Variants in NLGN1 observed in about 807,000 individuals in gnomAD.
NLGN1 encodes the protein neuroligin-1.
In NLGN1, 12 loss-of-function variants were observed where a neutral mutation model predicts 65.5. The ratio of observed to expected loss-of-function variants is 0.18; its 90% CI spans 0.12 to 0.30. The LOEUF is 0.30. Among genes scored for constraint, NLGN1 ranks in the 10% least tolerant of loss-of-function variants. NLGN1 has a pLI of 1.00. For synonymous variants in NLGN1, 350 were observed against 359.5 expected, an observed-to-expected ratio of 0.97 and a Z score of 0.30; for missense variants, 750 against 1,007.1, an observed-to-expected ratio of 0.74 and a Z score of 3.46.
At chr3:173,741,932 T>C (rs1774711756) in intron 3 of NLGN1, among the ~76,000 whole-genome samples, 1 of 152,156 alleles carries the variant, frequency 6.6e-6, no homozygotes, top group Non-Finnish European at 1.5e-5. Flanking sequence ...CCCCGTAATG[T>C]ACGCTCCTTT....
At chr3:173,953,609 C>T (rs138193723) in intron 4 of NLGN1, among the ~76,000 whole-genome samples, 2 of 152,126 alleles carry the variant, frequency 1.3e-5, no homozygotes, top group Admixed American at 6.5e-5. Flanking sequence ...GGCTAGAGTG[C>T]AGTGGCACTA....
intron 4 of NLGN1, among the ~76,000 whole-genome samples, chr3:174,235,050 G>A (rs1027294275): frequency 6.0e-5 from 7 of 116,226 alleles, no homozygotes; most frequent in African/African-American, 2.6e-4. Context: ...GTGACAGCCA[G>A]TTTTTTTTAG....
chr3:173,517,784 ATCTATC>A (rs1734068791), intron 2 of NLGN1, among the ~76,000 whole-genome samples: 1 of 151,794 alleles, frequency 6.6e-6, no homozygotes, highest in Non-Finnish European at 1.5e-5. Context: ...CTATCTATCT[ATCTATC>A]TATCTATCTA....
intron 2 of NLGN1, among the ~76,000 whole-genome samples, chr3:173,473,397 G>C (rs1206197766): frequency 6.6e-6 from 1 of 152,174 alleles, no homozygotes; most frequent in Non-Finnish European, 1.5e-5. Flanking sequence ...TAAAAGTAGA[G>C]ATTAATCCCC....
intron 3 of NLGN1, among the ~76,000 whole-genome samples, chr3:173,696,352 T>C (rs972007549): frequency 1.3e-5 from 2 of 152,170 alleles, no homozygotes; most frequent in African/African-American, 4.8e-5. Context: ...CCTTGTAGCA[T>C]AGTGGGAAAA....
intron 4 of NLGN1, among the ~76,000 whole-genome samples, chr3:173,892,018 T>G (rs1363172296): frequency 6.6e-6 from 1 of 152,112 alleles, no homozygotes; most frequent in Non-Finnish European, 1.5e-5. Context: ...AAAATAACAA[T>G]CACCTGAATT....
rs192554559 is a variant in NLGN1 at position 174,258,053 on chromosome 3, A to C, written c.647-17262A>C. The stretch of plus-strand genomic sequence containing the variant: ...TTATATATGAGAAGACCATTCAAAA[A>C]TTTTAACTAGACAAATAAAGGAAAG... On this transcript the variant is annotated intron_variant, in intron 4 of 6. Coordinates refer to ENST00000457714, the Ensembl canonical transcript of NLGN1. Among the ~76,000 whole-genome samples the C allele has an allele frequency of 2.3e-4, 35 of 152,116 alleles. 1 individual carries two copies. The East Asian group carries it at 6.6e-3, about 29-fold the overall frequency.
chr3:173,397,762 G>A (rs1716873171), upstream of NLGN1: 2 of 152,228 alleles, frequency 1.3e-5, no homozygotes, highest in African/African-American at 4.8e-5. Flanking sequence ...TGTAAGCCGA[G>A]GATCAGGCGG....
rs143316452 is a variant in NLGN1, at chr3:173,641,893, G to A, written c.493+36802G>A. Among the ~76,000 whole-genome samples, 313 of 152,008 alleles carry A rather than the reference G, an allele frequency of 2.1e-3. 1 individual carries two copies. Among genetic ancestry groups the A allele is most frequent in the African/African-American group, 6.9e-3 (287 of 41,454 alleles). ...GTATTTCTATTTTCACACTACAATG[G>A]CGGAGTTGATTATGTGCAACAGAGA... On this transcript the variant is annotated intron_variant, in intron 3 of 6. Coordinates refer to ENST00000457714, the Ensembl canonical transcript of NLGN1.
At chr3:173,600,592 C>CTTTTTTTTT (rs150984290) in intron 2 of NLGN1, among the ~76,000 whole-genome samples, 23 of 103,520 alleles carry the variant, frequency 2.2e-4, no homozygotes, top group South Asian at 7.6e-4. Flanking sequence ...AAAAACATAT[C>CTTTTTTTTT]TTTTTTTTTA....
chr3:173,536,719 C>A (rs1560400032), intron 2 of NLGN1, among the ~76,000 whole-genome samples: 1 of 152,042 alleles, frequency 6.6e-6, no homozygotes, highest in African/African-American at 2.4e-5. Context: ...CAGGACTCTC[C>A]AGATAATCAA....
intron 2 of NLGN1, among the ~76,000 whole-genome samples, chr3:173,453,400 A>C (rs1475823576): frequency 6.6e-6 from 1 of 151,652 alleles, no homozygotes; most frequent in Non-Finnish European, 1.5e-5. Flanking sequence ...TTTTTTAAAT[A>C]AAGCAACAAT....
chr3:174,179,519 C>A (rs535332972), intron 4 of NLGN1, among the ~76,000 whole-genome samples: 1 of 151,976 alleles, frequency 6.6e-6, no homozygotes, highest in Non-Finnish European at 1.5e-5. Context: ...GAGATCACAC[C>A]GCCTTAATAT....
chr3:173,665,531 AATAC>A (rs781697529), intron 3 of NLGN1, among the ~76,000 whole-genome samples: 6 of 152,158 alleles, frequency 3.9e-5, no homozygotes, highest in Non-Finnish European at 8.8e-5. Context: ...ATGTTATATA[AATAC>A]ATCATTATAT....
At chr3:173,815,314 AG>A (rs1253298893) in intron 4 of NLGN1, among the ~76,000 whole-genome samples, 2 of 151,910 alleles carry the variant, frequency 1.3e-5, no homozygotes, top group African/African-American at 4.8e-5. Context: ...TCACCGTGTT[AG>A]CAAGGATGGT....
At chr3:174,102,331 G>C (rs530145118) in intron 4 of NLGN1, among the ~76,000 whole-genome samples, 1 of 152,008 alleles carries the variant, frequency 6.6e-6, no homozygotes, top group Admixed American at 6.6e-5. Context: ...TAAAACTAAA[G>C]TCGAAATTAA....
intron 1 of NLGN1, among the ~76,000 whole-genome samples, chr3:173,425,800 ACTT>A (rs1349975496): frequency 6.6e-6 from 1 of 152,104 alleles, no homozygotes; most frequent in Non-Finnish European, 1.5e-5. Context: ...GCTCAGGACT[ACTT>A]TGACTATTTG....
chr3:173,920,479 G>A (rs868140203), intron 4 of NLGN1: 2 of 152,300 alleles, frequency 1.3e-5, no homozygotes, highest in South Asian at 2.1e-4. Context: ...CACAGGTGCA[G>A]ATTGTTCTTG....
At chr3:173,405,600 C>T (rs1718483462) in intron 1 of NLGN1, among the ~76,000 whole-genome samples, 1 of 151,968 alleles carries the variant, frequency 6.6e-6, no homozygotes, top group South Asian at 2.1e-4. Flanking sequence ...GAAACTATTG[C>T]ATAATTCTTA....
Sources: allele counts gnomAD v4.1 joint callset (sites outside exome capture counted in the v4.1 genomes callset), GRCh38; gene constraint gnomAD v4.1.1; transcripts MANE v1.5; gene names NCBI Gene and HGNC (gene_info 2026-07-23, HGNC 2026-07-21).